Variants in ANKH observed in about 807,000 individuals in gnomAD.
The protein encoded by ANKH is ANKH inorganic pyrophosphate transport regulator.
Under a neutral mutation model 49.0 loss-of-function variants are expected in ANKH, and 15 were observed. The observed-to-expected ratio is 0.31, with a 90% CI of 0.20 to 0.47. The LOEUF (loss-of-function observed/expected upper bound fraction) is 0.47. Ranked by LOEUF, ANKH falls within the 20% of genes least tolerant of loss-of-function variation. ANKH has a pLI of 1.00. For missense variants in ANKH, 429 were observed against 652.0 expected (o/e 0.66, Z 3.72); for synonymous variants, 273 against 260.0 (o/e 1.05, Z -0.48).
At chr5:14,826,084 T>G (rs79190780) in intron 1 of ANKH, 3,751 of 154,330 alleles carry the variant, frequency 0.024, 169 homozygotes, top group African/African-American at 0.086. Context: ...TTTTCCAGAC[T>G]AACGCAATGT....
chr5:14,763,384 TA>T (rs1160185965), intron 2 of ANKH, among the ~76,000 whole-genome samples: 3 of 152,216 alleles, frequency 2.0e-5, no homozygotes, highest in African/African-American at 7.2e-5. Flanking sequence ...ATCACTTCGA[TA>T]AATACACATT....
intron 8 of ANKH, chr5:14,741,558 T>C (rs1280622974): frequency 6.9e-6 from 3 of 434,926 alleles, no homozygotes; most frequent in African/African-American, 2.0e-5. Flanking sequence ...AAGACAAGTG[T>C]ACTATTCCAA....
At chr5:14,797,102 TC>T (rs1176599802) in intron 1 of ANKH, 10 of 1,355,468 alleles carry the variant, frequency 7.4e-6, no homozygotes, top group Non-Finnish European at 1.0e-5. Flanking sequence ...GAGTCTAAAA[TC>T]ACAAGAAGTA....
At chr5:14,784,727 A>G (rs1358929065) in intron 1 of ANKH, among the ~76,000 whole-genome samples, 1 of 152,144 alleles carries the variant, frequency 6.6e-6, no homozygotes, top group Non-Finnish European at 1.5e-5. Context: ...CCTACAGGAC[A>G]AGCAGTGCAA....
intron 2 of ANKH, among the ~76,000 whole-genome samples, chr5:14,765,730 T>C (rs1739239422): frequency 6.6e-6 from 1 of 152,228 alleles, no homozygotes; most frequent in Non-Finnish European, 1.5e-5. Context: ...GGGATGACAC[T>C]ACAAAAGCTT....
At position 14,704,991 on chromosome 5, in the gene ANKH, C is replaced by T. The variant is rs1443303477; in HGVS notation, c.*6206G>A. ...AAAAGCGACATGTATTTTATACTGACCGCTGTAGTCAATTTTAATCAAAAA... is the reference window on the plus strand; with the variant it reads ...AAAAGCGACATGTATTTTATACTGATCGCTGTAGTCAATTTTAATCAAAAA... On this transcript the variant is annotated 3_prime_UTR_variant, in exon 12 of 12. Transcript: ENST00000284268. 1 of 152,152 alleles carries T rather than the reference C, an allele frequency of 6.6e-6. No homozygotes were observed. Among genetic ancestry groups the T allele is most frequent in the African/African-American group, 2.4e-5 (1 of 41,414 alleles). 9.4% of individuals were successfully genotyped at this position (152,152 alleles called of 1,614,324 possible).
intron 9 of ANKH, among the ~76,000 whole-genome samples, chr5:14,716,492 C>CAATAAATAAATAAATA (rs372301335): frequency 2.0e-5 from 3 of 151,446 alleles, no homozygotes; most frequent in African/African-American, 7.3e-5. Context: ...ACTCTGTCTC[C>CAATAAATAAATAAATA]AATAAATAAA....
At chr5:14,846,408 T>G (rs1741961873) in intron 1 of ANKH, among the ~76,000 whole-genome samples, 1 of 152,220 alleles carries the variant, frequency 6.6e-6, no homozygotes, top group South Asian at 2.1e-4. Flanking sequence ...TTTACTTGTA[T>G]CCACCTTAAC....
intron 1 of ANKH, among the ~76,000 whole-genome samples, chr5:14,805,749 C>T (rs1374445376): frequency 6.6e-6 from 1 of 152,020 alleles, no homozygotes; most frequent in African/African-American, 2.4e-5. Flanking sequence ...GGATGCCTAA[C>T]GGCCCTGCAG....
intron 1 of ANKH, among the ~76,000 whole-genome samples, chr5:14,805,284 G>C (rs7728683): frequency 5.5e-4 from 84 of 151,658 alleles, no homozygotes; most frequent in African/African-American, 2.0e-3. Flanking sequence ...TTTGGGACTC[G>C]GACTGGCTCT....
intron 2 of ANKH, among the ~76,000 whole-genome samples, chr5:14,766,992 A>C (rs1490144991): frequency 6.6e-6 from 1 of 152,220 alleles, no homozygotes; most frequent in African/African-American, 2.4e-5. Context: ...AGCTGTTTTC[A>C]GCATTACTAG....
Position 14,711,101 on chromosome 5 carries a change from A to G in ANKH, c.*96T>C, listed in dbSNP as rs1561015789. On this transcript the variant is annotated 3_prime_UTR_variant, in exon 12 of 12. Coordinates refer to ENST00000284268, the MANE Select transcript of ANKH (RefSeq NM_054027.6). ...CCTCTTTCATTACCAAAACAAAACA[A>G]AAAAAAGGGAACAAAATACGATGGG... 6 of 1,160,592 alleles carry G rather than the reference A, an allele frequency of 5.2e-6. No homozygotes were observed. Among genetic ancestry groups the G allele is most frequent in the Admixed American group, 1.7e-5 (1 of 59,312 alleles). 71.9% of individuals were successfully genotyped at this position (1,160,592 alleles called of 1,614,324 possible).
Position 14,829,184 on chromosome 5 carries a change from C to CAAAA in ANKH, c.96+42164_96+42167dup, listed in dbSNP as rs56223225. ...TGGGCGACAGAGAGAGACTCTGTCT[C>CAAAA]AAAAAAAAAAAAAAAAAAAAAAAAA... is the stretch of plus-strand genomic sequence containing the variant. On this transcript the variant is annotated intron_variant, in intron 1 of 11. Coordinates refer to ENST00000284268, the MANE Select transcript of ANKH (RefSeq NM_054027.6). Among the ~76,000 whole-genome samples, 95 of 106,018 alleles carry CAAAA rather than the reference C, an allele frequency of 9.0e-4. 3 individuals are homozygous for CAAAA. The highest frequency in any genetic ancestry group is 2.9e-3 in the African/African-American group (85 of 28,884). 69.6% of individuals were successfully genotyped at this position (106,018 alleles called of 152,430 possible). A position where few individuals can be genotyped will look rare whatever the true frequency, so the allele number is the denominator to read the frequency against.
intron 3 of ANKH, among the ~76,000 whole-genome samples, chr5:14,757,841 G>A (rs1445876163): frequency 2.0e-5 from 3 of 152,106 alleles, no homozygotes; most frequent in South Asian, 2.1e-4. Context: ...CTCTGATGGT[G>A]GTATAGCTGC....
chr5:14,784,404 C>T (rs902152902), intron 1 of ANKH, among the ~76,000 whole-genome samples: 2 of 152,072 alleles, frequency 1.3e-5, no homozygotes, highest in African/African-American at 4.8e-5. Flanking sequence ...GAGGGTGGGG[C>T]GGCAGGGGCA....
chr5:14,846,849 C>CA (rs144141024), intron 1 of ANKH, among the ~76,000 whole-genome samples: 2,882 of 149,864 alleles, frequency 0.019, 67 homozygotes, highest in African/African-American at 0.054. Flanking sequence ...CACACGCACA[C>CA]AAAAAAAAAC....
Position 14,708,859 on chromosome 5 carries a change from G to T in ANKH, c.*2338C>A, listed in dbSNP as rs763297970. The T allele has an allele frequency of 3.3e-5, 5 of 152,036 alleles. No homozygotes were observed. The highest frequency in any genetic ancestry group is 7.3e-5 in the Non-Finnish European group (5 of 68,028). 9.4% of individuals were successfully genotyped at this position (152,036 alleles called of 1,614,324 possible). ...TATTTCCTCATCTCATAATGAGGAG[G>T]CCCTTGCTGATCCTTCCTGGATTTA... On this transcript the variant is annotated 3_prime_UTR_variant, in exon 12 of 12. Transcript: ENST00000284268.
At chr5:14,715,885 G>A (rs1198045749) in intron 9 of ANKH, among the ~76,000 whole-genome samples, 3 of 152,196 alleles carry the variant, frequency 2.0e-5, no homozygotes, top group Admixed American at 6.5e-5. Flanking sequence ...TCAGCCATGG[G>A]CAGTTTCTTT....
chr5:14,857,488 C>A (rs1025394072), intron 1 of ANKH, among the ~76,000 whole-genome samples: 7 of 151,946 alleles, frequency 4.6e-5, no homozygotes, highest in Admixed American at 1.3e-4. Context: ...AACCCCATCT[C>A]TACTTAAAAA....
Sources: allele counts gnomAD v4.1 joint callset (sites outside exome capture counted in the v4.1 genomes callset), GRCh38; gene constraint gnomAD v4.1.1; transcripts MANE v1.5; gene names NCBI Gene and HGNC (gene_info 2026-07-23, HGNC 2026-07-21).